The following DMD variants were observed in gnomAD, a reference collection of about 807,000 sequenced individuals.
DMD encodes the protein mutant dystrophin.
Under a neutral mutation model 330.1 loss-of-function variants are expected in DMD, and 63 were observed. That is an observed-to-expected ratio of 0.19 (90% CI 0.16 to 0.24). The LOEUF is 0.24. Among genes scored for constraint, DMD ranks in the 10% least tolerant of loss-of-function variants. The pLI, the probability that DMD is intolerant of heterozygous loss-of-function variation, is 1.00. For synonymous variants in DMD, 1,223 were observed against 959.8 expected (o/e 1.27, Z -5.07); for missense variants, 3,344 against 2,684.1 (o/e 1.25, Z -5.43).
intron 44 of DMD, among the ~76,000 whole-genome samples, chrX:32,168,517 C>G (rs2096876108): frequency 1.1e-5 from 1 of 92,851 alleles, no homozygotes; most frequent in Non-Finnish European, 2.1e-5. Context: ...GGCATCAAAT[C>G]AAGCTCTGAC....
At chrX:32,681,976 G>C (rs1158339068) in intron 9 of DMD, among the ~76,000 whole-genome samples, 1 of 111,618 alleles carries the variant, frequency 9.0e-6, no homozygotes, top group Non-Finnish European at 1.9e-5. Context: ...TGAACTCAAA[G>C]TATGCTTGGC....
intron 47 of DMD, among the ~76,000 whole-genome samples, chrX:31,913,256 G>C (rs1170714224): frequency 9.0e-6 from 1 of 111,697 alleles, no homozygotes; most frequent in African/African-American, 3.3e-5. Flanking sequence ...TATATAACTG[G>C]AACAGAGTGA....
chrX:31,905,949 TTTTG>T (rs1401033998), intron 47 of DMD, among the ~76,000 whole-genome samples: 1 of 112,152 alleles, frequency 8.9e-6, no homozygotes, highest in Non-Finnish European at 1.9e-5. Flanking sequence ...AATTAGCTTC[TTTTG>T]TTTTTCAGAT....
chrX:31,564,486 A>G (rs982794476), intron 55 of DMD, among the ~76,000 whole-genome samples: 1 of 111,892 alleles, frequency 8.9e-6, no homozygotes, highest in Non-Finnish European at 1.9e-5. Flanking sequence ...ACAGCTGACA[A>G]TACTGATTGG....
chrX:32,234,127 C>A (rs758444170), intron 43 of DMD, among the ~76,000 whole-genome samples: 5 of 111,175 alleles, frequency 4.5e-5, no homozygotes, highest in Non-Finnish European at 9.4e-5. Flanking sequence ...GTCCCATGAC[C>A]ACGAGAGACC....
At chrX:32,252,707 A>AATATATATATATAAATATATAAATAT (rs1328013656) in intron 43 of DMD, among the ~76,000 whole-genome samples, 1 of 18,328 alleles carries the variant, frequency 5.5e-5, no homozygotes, top group Non-Finnish European at 9.3e-5. Context: ...AATATATATA[A>AATATATATATATAAATATATAAATAT]ATATATAAAT....
intron 44 of DMD, among the ~76,000 whole-genome samples, chrX:32,200,982 A>G (rs2097033071): frequency 9.0e-6 from 1 of 111,185 alleles, no homozygotes; most frequent in Admixed American, 9.6e-5. Context: ...CTCACTACCA[A>G]ATCCTGGATT....
intron 67 of DMD, among the ~76,000 whole-genome samples, chrX:31,200,627 A>C (rs1882265): frequency 4.5e-5 from 5 of 110,455 alleles, no homozygotes; most frequent in Non-Finnish European, 9.5e-5. Context: ...TTATGAAACC[A>C]GAGTAGGAAA....
At position 31,173,579 on chromosome X, in the gene DMD, G is replaced by A; in HGVS notation, c.10288C>T (p.His3430Tyr). The change falls in exon 72 of 79, where the codon CAC becomes TAC. Residue 3430 changes from histidine to tyrosine, a missense_variant. His to Tyr is a moderately conservative substitution (Grantham distance 83). Coordinates refer to ENST00000357033, the MANE Select transcript of DMD (RefSeq NM_004006.3). ...SAPASSPQLS[H>Y]DDTHSRIEHY... ...TCAATGCGTGAATGAGTATCATCGT[G>A]TGAAAGCTGAGGGGACGAGGCAGGC... 1 of 1,210,177 alleles carries A rather than the reference G, an allele frequency of 8.3e-7. No individual in the cohort carries two copies. Among genetic ancestry groups the A allele is most frequent in the Non-Finnish European group, 1.1e-6 (1 of 894,289 alleles).
At chrX:31,880,755 T>G (rs1214459220) in intron 47 of DMD, among the ~76,000 whole-genome samples, 1 of 112,412 alleles carries the variant, frequency 8.9e-6, no homozygotes, top group Non-Finnish European at 1.9e-5. Context: ...TGAATTACTC[T>G]CACGTTTGTG....
chrX:31,247,928 C>A (rs926475282), intron 63 of DMD, among the ~76,000 whole-genome samples: 8 of 111,722 alleles, frequency 7.2e-5, no homozygotes, highest in African/African-American at 2.6e-4. Context: ...TCACATTCTA[C>A]AGAGAAATCT....
intron 48 of DMD, among the ~76,000 whole-genome samples, chrX:31,858,095 C>G (rs112387141): frequency 2.9e-5 from 2 of 68,167 alleles, no homozygotes; most frequent in African/African-American, 1.3e-4. Context: ...GCTAACTTTG[C>G]CTAGTAGATG....
chrX:33,051,646 ATTT>A (rs754035822), intron 1 of DMD, among the ~76,000 whole-genome samples: 47 of 71,922 alleles, frequency 6.5e-4, no homozygotes, highest in Middle Eastern at 7.6e-3. Flanking sequence ...ATTACGCTCT[ATTT>A]TTTTTTTTTT....
chrX:31,154,958 T>A (rs910112049), intron 74 of DMD, among the ~76,000 whole-genome samples: 1 of 111,878 alleles, frequency 8.9e-6, no homozygotes, highest in Non-Finnish European at 1.9e-5. Context: ...GAGCTAAGAA[T>A]CCCCCCATTC....
intron 55 of DMD, among the ~76,000 whole-genome samples, chrX:31,576,463 TC>T (rs1260676889): frequency 9.2e-6 from 1 of 109,019 alleles, no homozygotes; most frequent in Non-Finnish European, 1.9e-5. Flanking sequence ...ACAGAAAGCA[TC>T]TTGAATGAGA....
chrX:33,240,061 C>G (rs975410056), intron 1 of DMD, among the ~76,000 whole-genome samples: 1 of 111,138 alleles, frequency 9.0e-6, no homozygotes, highest in Non-Finnish European at 1.9e-5. Flanking sequence ...CATAAAATCC[C>G]AAATCTGAAA....
chrX:32,354,477 A>G (rs908092150), intron 37 of DMD, among the ~76,000 whole-genome samples: 3 of 111,686 alleles, frequency 2.7e-5, no homozygotes, highest in African/African-American at 9.7e-5. Context: ...GTAGAGGAAA[A>G]GAACTTACAA....
chrX:31,379,815 C>T (rs947642076), intron 60 of DMD, among the ~76,000 whole-genome samples: 3 of 111,977 alleles, frequency 2.7e-5, no homozygotes, highest in African/African-American at 6.5e-5. Context: ...AAGGAATGCC[C>T]GCAGCCCGGG....
intron 1 of DMD, among the ~76,000 whole-genome samples, chrX:33,166,246 G>A (rs900347143): frequency 1.8e-5 from 2 of 110,974 alleles, no homozygotes; most frequent in Non-Finnish European, 3.8e-5. Flanking sequence ...ATCAATCATC[G>A]CTGAGAAAAG....
Sources: gnomAD v4.1 joint callset for allele counts (sites outside exome capture counted in the v4.1 genomes callset) on GRCh38, gnomAD v4.1.1 for gene constraint, MANE v1.5 for transcripts, NCBI Gene and HGNC (gene_info 2026-07-23, HGNC 2026-07-21) for gene names.